Variants in RAB11FIP4 observed in about 807,000 individuals in gnomAD.
The protein encoded by RAB11FIP4 is rab11 family-interacting protein 4.
Under a neutral mutation model 74.3 loss-of-function variants are expected in RAB11FIP4, and 23 were observed. That is an observed-to-expected ratio of 0.31 (90% CI 0.22 to 0.44). The LOEUF (loss-of-function observed/expected upper bound fraction) is 0.44. Ranked by LOEUF, RAB11FIP4 falls within the 20% of genes least tolerant of loss-of-function variation. RAB11FIP4 has a pLI of 1.00. For synonymous variants in RAB11FIP4, 360 were observed against 359.9 expected (o/e 1.00, Z 0.00); for missense variants, 630 against 863.9 (o/e 0.73, Z 3.39).
intron 3 of RAB11FIP4, among the ~76,000 whole-genome samples, chr17:31,493,182 T>C (rs986043798): frequency 1.3e-5 from 2 of 152,064 alleles, no homozygotes; most frequent in Admixed American, 1.3e-4. Context: ...TTTTAATTGA[T>C]CTAACCTGCT....
At chr17:31,412,969 C>T (rs530130332) in intron 1 of RAB11FIP4, among the ~76,000 whole-genome samples, 2 of 152,316 alleles carry the variant, frequency 1.3e-5, no homozygotes, top group South Asian at 2.1e-4. Flanking sequence ...CAGAACAAGT[C>T]GCCCTTCTCA....
At chr17:31,404,080 A>C (rs1443502295) in intron 1 of RAB11FIP4, among the ~76,000 whole-genome samples, 1 of 152,212 alleles carries the variant, frequency 6.6e-6, no homozygotes, top group Admixed American at 6.5e-5. Flanking sequence ...CCATGGCCCC[A>C]GGAGGTGCGC....
intron 3 of RAB11FIP4, among the ~76,000 whole-genome samples, chr17:31,453,355 C>CA (rs747844559): frequency 0.016 from 1,127 of 71,424 alleles, 14 homozygotes; most frequent in East Asian, 0.022. Context: ...GACCCTACCT[C>CA]AAAAAAAAAA....
intron 1 of RAB11FIP4, among the ~76,000 whole-genome samples, chr17:31,422,094 G>A (rs2071205693): frequency 6.6e-6 from 1 of 152,140 alleles, no homozygotes; most frequent in Non-Finnish European, 1.5e-5. Flanking sequence ...AGTATTGCTT[G>A]AGTCTGGGAG....
At chr17:31,482,514 CCA>C (rs985686427) in intron 3 of RAB11FIP4, among the ~76,000 whole-genome samples, 4 of 151,850 alleles carry the variant, frequency 2.6e-5, no homozygotes, top group African/African-American at 9.7e-5. Context: ...TCACCTGAAC[CCA>C]GGAGACAGAG....
In RAB11FIP4 at chr17:31,531,684, C is replaced by A. The variant is rs764755176; in HGVS notation, c.1866C>A (p.Ile622=). 6.2e-7 allele frequency: 1 copy of A among 1,613,974 alleles called. No homozygotes were observed. The highest frequency in any genetic ancestry group is 1.3e-5 in the African/African-American group (1 of 74,920). The change falls in exon 15 of 15, where the codon ATC becomes ATA. Residue 622 remains isoleucine (I), a synonymous_variant. Transcript: ENST00000621161. ...TGAGGCAGTACATGGACAAGATTAT[C>A]CTCGCCATCCTGGACCACAATCCCT... is the stretch of plus-strand genomic sequence containing the variant. ...FRLRQYMDKI[I]LAILDHNPSI...
At chr17:31,421,778 C>T (rs1299595028) in intron 1 of RAB11FIP4, among the ~76,000 whole-genome samples, 1 of 148,806 alleles carries the variant, frequency 6.7e-6, no homozygotes, top group Non-Finnish European at 1.5e-5. Context: ...GGGCTGGTCT[C>T]AAACTCCTGA....
chr17:31,411,436 G>C (rs927205333), intron 1 of RAB11FIP4, among the ~76,000 whole-genome samples: 2 of 152,194 alleles, frequency 1.3e-5, no homozygotes, highest in Non-Finnish European at 2.9e-5. Flanking sequence ...TCCCAGCTAA[G>C]TCCCTGACTC....
chr17:31,457,990 A>G (rs894382011), intron 3 of RAB11FIP4, among the ~76,000 whole-genome samples: 1 of 152,124 alleles, frequency 6.6e-6, no homozygotes, highest in Non-Finnish European at 1.5e-5. Flanking sequence ...GCCTTGAGGG[A>G]AGGGACAGAT....
At chr17:31,424,639 G>A (rs1356272097) in intron 1 of RAB11FIP4, among the ~76,000 whole-genome samples, 13 of 146,504 alleles carry the variant, frequency 8.9e-5, no homozygotes, top group East Asian at 2.0e-4. Context: ...AGAGTGGCAC[G>A]ATCTCGGCTC....
chr17:31,521,870 A>G, intron 5 of RAB11FIP4, 45 bp from the exon 6 acceptor site: 2 of 1,612,092 alleles, frequency 1.2e-6, no homozygotes, highest in South Asian at 1.1e-5. Flanking sequence ...AGGGCACCAG[A>G]CTGGACAGCA....
chr17:31,443,559 T>C (rs2071424644), intron 3 of RAB11FIP4, among the ~76,000 whole-genome samples: 2 of 152,212 alleles, frequency 1.3e-5, no homozygotes, highest in Non-Finnish European at 2.9e-5. Context: ...CTCACCTGGC[T>C]GGAACCAGCA....
intron 1 of RAB11FIP4, among the ~76,000 whole-genome samples, chr17:31,396,472 G>A (rs903702720): frequency 6.6e-6 from 1 of 152,180 alleles, no homozygotes; most frequent in African/African-American, 2.4e-5. Context: ...TACATACAAA[G>A]GGCTTAGTCC....
At chr17:31,467,433 C>T (rs1360424295) in intron 3 of RAB11FIP4, among the ~76,000 whole-genome samples, 2 of 152,054 alleles carry the variant, frequency 1.3e-5, no homozygotes, top group Non-Finnish European at 2.9e-5. Flanking sequence ...CCTAGTATTT[C>T]CAGAAAAAAA....
intron 3 of RAB11FIP4, 103 bp from the exon 4 acceptor site, chr17:31,517,548 A>C: frequency 9.1e-7 from 1 of 1,103,200 alleles, no homozygotes; most frequent in Non-Finnish European, 1.3e-6. Context: ...CCTGTACCCA[A>C]TCCCTGCTGT....
At chr17:31,393,666 G>A (rs2070899219) in intron 1 of RAB11FIP4, among the ~76,000 whole-genome samples, 1 of 152,102 alleles carries the variant, frequency 6.6e-6, no homozygotes, top group Non-Finnish European at 1.5e-5. Context: ...TTCTTTGGGG[G>A]AGCCTTTAAA....
At chr17:31,428,295 G>T (rs2071273184) in intron 1 of RAB11FIP4, among the ~76,000 whole-genome samples, 1 of 152,206 alleles carries the variant, frequency 6.6e-6, no homozygotes, top group African/African-American at 2.4e-5. Flanking sequence ...GAAAAACGTG[G>T]TCCCTATAAA....
At chr17:31,480,173 C>T (rs1423634571) in intron 3 of RAB11FIP4, among the ~76,000 whole-genome samples, 1 of 152,118 alleles carries the variant, frequency 6.6e-6, no homozygotes, top group Non-Finnish European at 1.5e-5. Context: ...CTCCACACGG[C>T]CTCTCACCCC....
chr17:31,462,025 G>T (rs2071638689), intron 3 of RAB11FIP4, among the ~76,000 whole-genome samples: 1 of 152,232 alleles, frequency 6.6e-6, no homozygotes, highest in African/African-American at 2.4e-5. Flanking sequence ...ACTTTGGGAG[G>T]CCAAGATGGG....
Sources: gnomAD v4.1 joint callset for allele counts (sites outside exome capture counted in the v4.1 genomes callset) on GRCh38, gnomAD v4.1.1 for gene constraint, MANE v1.5 for transcripts, NCBI Gene and HGNC (gene_info 2026-07-23, HGNC 2026-07-21) for gene names.